Variants in PDE11A observed in about 807,000 individuals in gnomAD.
PDE11A encodes the protein dual 3',5'-cyclic-AMP and -GMP phosphodiesterase 11A.
PDE11A carries 100 observed loss-of-function variants against 100.5 expected under a neutral mutation model. The observed-to-expected ratio is 1.00, with a 90% CI of 0.85 to 1.18. The LOEUF (loss-of-function observed/expected upper bound fraction) is 1.18, where lower values mean the gene tolerates loss of function less well. Among genes scored for constraint, PDE11A ranks in the 50% most tolerant of loss-of-function variants. The pLI is 0.00. For synonymous variants in PDE11A, 381 were observed against 420.8 expected, an observed-to-expected ratio of 0.91 and a Z score of 1.16; for missense variants, 1,141 against 1,152.6, an observed-to-expected ratio of 0.99 and a Z score of 0.15.
chr2:177,931,750 A>G (rs1298273994), intron 2 of PDE11A, among the ~76,000 whole-genome samples: 2 of 152,060 alleles, frequency 1.3e-5, no homozygotes, highest in South Asian at 2.1e-4. Context: ...ACTAAAAAAC[A>G]GGAACAAACT....
intron 6 of PDE11A, among the ~76,000 whole-genome samples, chr2:177,826,080 G>A (rs2083222223): frequency 6.6e-6 from 1 of 152,164 alleles, no homozygotes; most frequent in Non-Finnish European, 1.5e-5. Context: ...AGTCTCAAAA[G>A]TTAGACAACA....
intron 9 of PDE11A, among the ~76,000 whole-genome samples, chr2:177,802,947 T>C (rs1210839846): frequency 6.6e-6 from 1 of 151,842 alleles, no homozygotes; most frequent in African/African-American, 2.4e-5. Context: ...AAATCTACAA[T>C]ACATGAACAA....
rs938635724 is a variant in PDE11A, at chr2:177,623,753, T to C, written c.*5654A>G. 1 of 103,320 alleles carries C rather than the reference T, an allele frequency of 9.7e-6. No individual in the cohort carries two copies. Among genetic ancestry groups the C allele is most frequent in the Non-Finnish European group, 2.0e-5 (1 of 50,710 alleles). The allele number at this position is 103,320 out of a possible 1,614,324, so 6.4% of individuals were successfully genotyped here. On this transcript the variant is annotated 3_prime_UTR_variant, in exon 20 of 20. Transcript: ENST00000286063. ...TCATTACTTAATAAAAAAACACATT[T>C]GTGTACTAGCGTATACAAAAATGAC...
intron 5 of PDE11A, among the ~76,000 whole-genome samples, chr2:177,845,579 T>C (rs1260541629): frequency 3.3e-5 from 5 of 150,942 alleles, no homozygotes; most frequent in African/African-American, 1.2e-4. Flanking sequence ...TCCTCACATC[T>C]CAGACGATGG....
upstream of PDE11A, among the ~76,000 whole-genome samples, chr2:178,073,853 A>G (rs2087169848): frequency 6.6e-6 from 1 of 151,812 alleles, no homozygotes; most frequent in Non-Finnish European, 1.5e-5. Flanking sequence ...GGAGTTTGCA[A>G]TCAGTCACAA....
intron 10 of PDE11A, among the ~76,000 whole-genome samples, chr2:177,746,589 A>C (rs755067648): frequency 1.3e-5 from 2 of 152,244 alleles, no homozygotes; most frequent in South Asian, 4.1e-4. Flanking sequence ...TAAAAAGGAA[A>C]AAGAATCAGT....
At chr2:177,785,752 A>G (rs2082525975) in intron 9 of PDE11A, among the ~76,000 whole-genome samples, 1 of 152,214 alleles carries the variant, frequency 6.6e-6, no homozygotes, top group African/African-American at 2.4e-5. Flanking sequence ...CATGGCTCGG[A>G]GGGTCCTATG....
intron 15 of PDE11A, 26 bp from the exon 16 acceptor site, chr2:177,680,929 AAAG>A: frequency 4.5e-6 from 6 of 1,326,082 alleles, no homozygotes; most frequent in Non-Finnish European, 6.5e-6. Context: ...ATGAAGAAAG[AAAG>A]AAAAAAAAAA....
chr2:177,828,954 A>G (rs1178365318), intron 6 of PDE11A, among the ~76,000 whole-genome samples: 1 of 151,984 alleles, frequency 6.6e-6, no homozygotes, highest in African/African-American at 2.4e-5. Context: ...AAGGAGAGGG[A>G]CAGTTTAAGA....
chr2:178,011,419 C>T (rs1250370922), intron 2 of PDE11A, among the ~76,000 whole-genome samples: 1 of 152,062 alleles, frequency 6.6e-6, no homozygotes, highest in Non-Finnish European at 1.5e-5. Flanking sequence ...TACCCAATCT[C>T]TCATATAGAA....
At chr2:177,880,729 T>C (rs2084317959) in intron 4 of PDE11A, among the ~76,000 whole-genome samples, 1 of 152,180 alleles carries the variant, frequency 6.6e-6, no homozygotes, top group Non-Finnish European at 1.5e-5. Context: ...GGTTCCTGTG[T>C]CTTTAGAAGA....
chr2:177,754,345 A>G (rs2082063243), intron 10 of PDE11A, among the ~76,000 whole-genome samples: 1 of 152,214 alleles, frequency 6.6e-6, no homozygotes, highest in African/African-American at 2.4e-5. Context: ...CAGACAAAAA[A>G]AATGCAAAAA....
Position 177,990,864 on chromosome 2 carries a change from C to T in PDE11A, c.1071+23438G>A, listed in dbSNP as rs532247955. 9.4e-5 allele frequency among the ~76,000 whole-genome samples: 14 copies of T among 148,498 alleles called. No individual in the cohort carries two copies. The South Asian group carries it at 2.2e-3, about 23-fold the overall frequency. On this transcript the variant is annotated intron_variant, in intron 2 of 19. Coordinates refer to ENST00000286063, the MANE Select transcript of PDE11A (RefSeq NM_016953.4). ...CAAAAATTAGCTGGGCACGGTGGTG[C>T]GCTCCTGCAGTCCCAGCTACTTGGG...
At chr2:177,923,572 C>T (rs924119550) in intron 2 of PDE11A, among the ~76,000 whole-genome samples, 6 of 152,120 alleles carry the variant, frequency 3.9e-5, no homozygotes, top group Admixed American at 1.3e-4. Flanking sequence ...GAAAACCAAT[C>T]CTCTAGTAGA....
intron 10 of PDE11A, among the ~76,000 whole-genome samples, chr2:177,747,629 T>C (rs747266430): frequency 1.3e-5 from 2 of 152,212 alleles, no homozygotes; most frequent in Non-Finnish European, 2.9e-5. Flanking sequence ...CCTTTCTCCT[T>C]TCCTCTTCCA....
chr2:177,726,066 T>C (rs2081595569), intron 12 of PDE11A, among the ~76,000 whole-genome samples: 1 of 151,608 alleles, frequency 6.6e-6, no homozygotes, highest in African/African-American at 2.4e-5. Context: ...AGGTAGGATA[T>C]GGAAAAACAA....
chr2:177,628,305 T>C lies in PDE11A; in HGVS notation c.*1102A>G, dbSNP rs2079866750. 1 of 152,678 alleles carries C rather than the reference T, an allele frequency of 6.5e-6. No individual in the cohort carries two copies. Among genetic ancestry groups the C allele is most frequent in the South Asian group, 2.1e-4 (1 of 4,832 alleles). 9.5% of individuals were successfully genotyped at this position (152,678 alleles called of 1,614,324 possible). On this transcript the variant is annotated 3_prime_UTR_variant, in exon 20 of 20. Transcript: ENST00000286063. Reference sequence around the variant, plus strand: ...TGGATAACACATACCATGTCCACAATTTCTCAATATAGGGAGCAAAGCAGC... The same window carrying C: ...TGGATAACACATACCATGTCCACAACTTCTCAATATAGGGAGCAAAGCAGC...
At chr2:177,676,803 C>A (rs2080782739) in intron 16 of PDE11A, among the ~76,000 whole-genome samples, 1 of 152,232 alleles carries the variant, frequency 6.6e-6, no homozygotes, top group African/African-American at 2.4e-5. Flanking sequence ...CAACTGCTAA[C>A]TAAACTACTA....
At chr2:178,083,288 G>A (rs2087309774) in intron 2 of PDE11A, among the ~76,000 whole-genome samples, 1 of 151,972 alleles carries the variant, frequency 6.6e-6, no homozygotes, top group Admixed American at 6.6e-5. Flanking sequence ...TTATAGAAAC[G>A]GGGTTTCACC....
Sources: gnomAD v4.1 joint callset for allele counts (sites outside exome capture counted in the v4.1 genomes callset) on GRCh38, gnomAD v4.1.1 for gene constraint, MANE v1.5 for transcripts, NCBI Gene and HGNC (gene_info 2026-07-23, HGNC 2026-07-21) for gene names.